PTPRG: variants seen among roughly 807,000 people sequenced by gnomAD.
PTPRG encodes receptor-type tyrosine-protein phosphatase gamma.
A neutral mutation model predicts 165.3 loss-of-function variants in PTPRG; 102 were observed. The observed-to-expected ratio is 0.62, with a 90% CI of 0.53 to 0.73. PTPRG has a LOEUF of 0.73. Ranked by LOEUF, PTPRG falls within the 30% of genes least tolerant of loss-of-function variation. The pLI, the probability that PTPRG is intolerant of heterozygous loss-of-function variation, is 0.00. For missense variants in PTPRG, 1,866 were observed against 1,861.4 expected (o/e 1.00, Z -0.05); for synonymous variants, 675 against 669.5 (o/e 1.01, Z -0.13).
rs921708560 is a variant in PTPRG, at chr3:61,832,696, A to T, written c.190+83714A>T. ...GGTTTTTACTTACTTTTTTAAAAAA[A>T]ATATTTATTTCTAGTTTGTATTTCA... On this transcript the variant is annotated intron_variant, in intron 2 of 29. Transcript: ENST00000474889. Among the ~76,000 whole-genome samples, 4 of 152,154 alleles carry T rather than the reference A, an allele frequency of 2.6e-5. No individual in the cohort carries two copies. In the South Asian group the frequency reaches 6.2e-4, roughly 24 times the overall value.
In PTPRG at chr3:61,923,183, G is replaced by A. The variant is rs551591565; in HGVS notation, c.191-66442G>A. 1.8e-4 allele frequency among the ~76,000 whole-genome samples: 28 copies of A among 152,190 alleles called. No homozygotes were observed. The South Asian group carries it at 5.8e-3, about 32-fold the overall frequency. On this transcript the variant is annotated intron_variant, in intron 2 of 29. Transcript: ENST00000474889. ...ACCAGCTCTGACTTTTCCATAATTT[G>A]AGCCCATTAACTATTGTGTCTTCCC...
chr3:61,831,916 T>C (rs1175767726), intron 2 of PTPRG, among the ~76,000 whole-genome samples: 2 of 152,260 alleles, frequency 1.3e-5, no homozygotes, highest in East Asian at 3.9e-4. Context: ...GATTTAAAAA[T>C]TACTTAAAAG....
chr3:62,012,989 T>G (rs1307267392), intron 4 of PTPRG, among the ~76,000 whole-genome samples: 1 of 152,184 alleles, frequency 6.6e-6, no homozygotes, highest in Non-Finnish European at 1.5e-5. Flanking sequence ...AAATATAATG[T>G]GAACCATACA....
Position 61,931,127 on chromosome 3 carries a change from C to G in PTPRG, c.191-58498C>G, listed in dbSNP as rs895123151. On this transcript the variant is annotated intron_variant, in intron 2 of 29. Transcript: ENST00000474889. The stretch of plus-strand genomic sequence containing the variant: ...CATGTGCTGTGGTTCCTGCAGCCTC[C>G]CCAACCTGATCTTCTCTGTTTGCTT... 2.0e-5 allele frequency among the ~76,000 whole-genome samples: 3 copies of G among 152,250 alleles called. No homozygotes were observed. In the East Asian group the frequency reaches 5.8e-4, roughly 29 times the overall value.
At chr3:61,668,863 C>T (rs1575576729) in intron 1 of PTPRG, among the ~76,000 whole-genome samples, 1 of 152,132 alleles carries the variant, frequency 6.6e-6, no homozygotes. Context: ...ATTTACTCTA[C>T]CACACAAGCT....
intron 8 of PTPRG, among the ~76,000 whole-genome samples, chr3:62,173,402 C>T (rs1229771242): frequency 2.0e-5 from 3 of 152,066 alleles, no homozygotes; most frequent in Non-Finnish European, 2.9e-5. Context: ...AAATGTCTTG[C>T]GGTAAAGTTT....
At chr3:62,085,423 C>T (rs540173409) in intron 5 of PTPRG, among the ~76,000 whole-genome samples, 20 of 152,240 alleles carry the variant, frequency 1.3e-4, no homozygotes, top group Non-Finnish European at 2.1e-4. Flanking sequence ...TTCTATAGTG[C>T]GTTCAGAGGC....
chr3:61,585,806 A>G (rs1232569203), intron 1 of PTPRG, among the ~76,000 whole-genome samples: 3 of 152,238 alleles, frequency 2.0e-5, no homozygotes, highest in South Asian at 2.1e-4. Flanking sequence ...TTCAGCATGC[A>G]GTTTGATTCT....
intron 5 of PTPRG, among the ~76,000 whole-genome samples, chr3:62,107,192 C>A (rs1358278392): frequency 6.6e-6 from 1 of 152,224 alleles, no homozygotes; most frequent in Non-Finnish European, 1.5e-5. Context: ...CCATCCAAAT[C>A]TTGTCACTAG....
chr3:62,246,121 C>A (rs909540704), intron 15 of PTPRG, among the ~76,000 whole-genome samples: 2 of 152,074 alleles, frequency 1.3e-5, no homozygotes, highest in African/African-American at 4.8e-5. Context: ...ATAACTATAT[C>A]AAAAGAAGAC....
intron 1 of PTPRG, among the ~76,000 whole-genome samples, chr3:61,731,029 C>A (rs1454591307): frequency 6.6e-6 from 1 of 152,164 alleles, no homozygotes; most frequent in Non-Finnish European, 1.5e-5. Context: ...GAACACTGTT[C>A]TACTCTTTCT....
chr3:62,050,457 G>A (rs1700435791), intron 4 of PTPRG, among the ~76,000 whole-genome samples: 1 of 152,198 alleles, frequency 6.6e-6, no homozygotes, highest in Non-Finnish European at 1.5e-5. Context: ...TGATGTCTCA[G>A]CAACAATGAA....
At chr3:62,041,374 G>C (rs772007521) in intron 4 of PTPRG, among the ~76,000 whole-genome samples, 5 of 152,086 alleles carry the variant, frequency 3.3e-5, no homozygotes, top group Non-Finnish European at 7.4e-5. Flanking sequence ...TTTTTCATGG[G>C]TGAGCAGATT....
At chr3:61,573,019 G>C (rs1003722976) in intron 1 of PTPRG, among the ~76,000 whole-genome samples, 33 of 152,300 alleles carry the variant, frequency 2.2e-4, no homozygotes, top group African/African-American at 7.0e-4. Context: ...CTTCTTTCCT[G>C]TCAATCTTGC....
chr3:61,788,966 C>G (rs2034792184), intron 2 of PTPRG, among the ~76,000 whole-genome samples: 1 of 152,194 alleles, frequency 6.6e-6, no homozygotes, highest in Non-Finnish European at 1.5e-5. Flanking sequence ...TGTTGCTGCT[C>G]TCTGTTATTT....
intron 2 of PTPRG, among the ~76,000 whole-genome samples, chr3:61,904,536 A>G (rs7612105): frequency 0.47 from 70,701 of 151,930 alleles, 18,763 homozygotes; most frequent in African/African-American, 0.73. Flanking sequence ...ATAGACTGCC[A>G]ATTTACAGGA....
At chr3:62,014,483 A>C (rs2041494748) in intron 4 of PTPRG, among the ~76,000 whole-genome samples, 1 of 152,216 alleles carries the variant, frequency 6.6e-6, no homozygotes. Flanking sequence ...GTTAATAGTA[A>C]AATAACTTCT....
At chr3:62,154,564 C>T (rs967005354) in intron 6 of PTPRG, among the ~76,000 whole-genome samples, 2 of 152,202 alleles carry the variant, frequency 1.3e-5, no homozygotes, top group Non-Finnish European at 2.9e-5. Flanking sequence ...ATCTAATCTC[C>T]TCCTGTTGGT....
intron 16 of PTPRG, 24 bp from the exon 17 acceptor site, chr3:62,262,774 T>TA (rs767846007): frequency 6.4e-7 from 1 of 1,563,778 alleles, no homozygotes; most frequent in East Asian, 2.3e-5. Flanking sequence ...ACTGTGTCTA[T>TA]AATCTTGCTG....
Sources: gnomAD v4.1 joint callset for allele counts (sites outside exome capture counted in the v4.1 genomes callset) on GRCh38, gnomAD v4.1.1 for gene constraint, MANE v1.5 for transcripts, NCBI Gene and HGNC (gene_info 2026-07-23, HGNC 2026-07-21) for gene names.